The following RBM47 variants were observed in gnomAD, a reference collection of about 807,000 sequenced individuals.
The protein encoded by RBM47 is RNA-binding protein 47.
RBM47 carries 21 observed loss-of-function variants against 47.1 expected under a neutral mutation model. The ratio of observed to expected loss-of-function variants is 0.45; its 90% CI spans 0.32 to 0.64. The LOEUF (loss-of-function observed/expected upper bound fraction) is 0.64. RBM47 is among the 30% of genes least tolerant of loss of function. RBM47 has a pLI of 0.05. For missense variants in RBM47, 708 were observed against 870.9 expected (o/e 0.81, Z 2.35); for synonymous variants, 375 against 361.7 (o/e 1.04, Z -0.42).
At position 40,601,894 on chromosome 4, in the gene RBM47, C is replaced by T. The variant is rs147167585; in HGVS notation, c.-240+27502G>A. 5.2e-3 allele frequency among the ~76,000 whole-genome samples: 790 copies of T among 152,244 alleles called. 5 individuals carry two copies. The highest frequency in any genetic ancestry group is 0.018 in the African/African-American group (752 of 41,532). On this transcript the variant is annotated intron_variant, in intron 1 of 6. Coordinates refer to ENST00000295971, the MANE Select transcript of RBM47 (RefSeq NM_001098634.2). ...AATTAAGAAATCTCTCTGGGTCGGG[C>T]GTGGTGGCTCACGCCTGTAACCCCA... is the stretch of plus-strand genomic sequence containing the variant.
chr4:40,576,126 G>T (rs1732281303), intron 1 of RBM47, among the ~76,000 whole-genome samples: 1 of 152,170 alleles, frequency 6.6e-6, no homozygotes, highest in Non-Finnish European at 1.5e-5. Context: ...TCCTGGGGCA[G>T]TGCCCCAGGC....
intron 3 of RBM47, 75 bp from the exon 4 acceptor site, chr4:40,438,999 C>G: frequency 7.6e-6 from 10 of 1,318,604 alleles, no homozygotes; most frequent in Non-Finnish European, 9.1e-6. Flanking sequence ...CGCAGCCTTG[C>G]AAGTATGCAT....
intron 1 of RBM47, among the ~76,000 whole-genome samples, chr4:40,606,418 A>C (rs967694723): frequency 6.6e-6 from 1 of 152,150 alleles, no homozygotes; most frequent in Non-Finnish European, 1.5e-5. Flanking sequence ...AGTGAATGAC[A>C]TGGTCAGATC....
chr4:40,561,865 T>G (rs972070096), intron 1 of RBM47, among the ~76,000 whole-genome samples: 1 of 152,132 alleles, frequency 6.6e-6, no homozygotes, highest in Non-Finnish European at 1.5e-5. Context: ...TGTCTTAATG[T>G]AAGATATCCT....
At chr4:40,504,921 C>A (rs896317551) in intron 2 of RBM47, among the ~76,000 whole-genome samples, 1 of 152,222 alleles carries the variant, frequency 6.6e-6, no homozygotes, top group African/African-American at 2.4e-5. Flanking sequence ...GGACCAAGGA[C>A]TGCCAACCTC....
intron 1 of RBM47, among the ~76,000 whole-genome samples, chr4:40,618,160 T>C (rs1447707886): frequency 1.3e-5 from 2 of 151,996 alleles, no homozygotes; most frequent in Non-Finnish European, 2.9e-5. Flanking sequence ...GAGGATCACC[T>C]GAGCCCAGGG....
At chr4:40,606,994 G>A (rs1171990227) in intron 1 of RBM47, among the ~76,000 whole-genome samples, 8 of 151,966 alleles carry the variant, frequency 5.3e-5, no homozygotes, top group East Asian at 1.9e-4. Flanking sequence ...AAAAAAGCCC[G>A]CAAACATATG....
chr4:40,614,643 G>A (rs1736556170), intron 1 of RBM47, among the ~76,000 whole-genome samples: 1 of 151,526 alleles, frequency 6.6e-6, no homozygotes, highest in Admixed American at 6.6e-5. Context: ...AGACAAACCT[G>A]GGCAAAAGAA....
At chr4:40,500,599 A>AGT (rs1723228946) in intron 2 of RBM47, among the ~76,000 whole-genome samples, 1 of 150,940 alleles carries the variant, frequency 6.6e-6, no homozygotes, top group Non-Finnish European at 1.5e-5. Context: ...CCTATCTCCA[A>AGT]ATATATATAT....
intron 1 of RBM47, among the ~76,000 whole-genome samples, chr4:40,621,231 A>G (rs1043407873): frequency 6.6e-6 from 1 of 152,318 alleles, no homozygotes; most frequent in Admixed American, 6.5e-5. Flanking sequence ...GCAACTGAGG[A>G]AGCCTTTTTC....
chr4:40,488,672 G>C (rs771099027), intron 2 of RBM47, among the ~76,000 whole-genome samples: 1 of 152,166 alleles, frequency 6.6e-6, no homozygotes, highest in Non-Finnish European at 1.5e-5. Context: ...ATACAGGAGA[G>C]TTCATAGATG....
intron 2 of RBM47, among the ~76,000 whole-genome samples, chr4:40,535,414 C>T (rs1269912342): frequency 8.9e-5 from 9 of 100,676 alleles, no homozygotes. Context: ...GCTCTGTCAC[C>T]CAGGCTGGAG....
intron 3 of RBM47, among the ~76,000 whole-genome samples, chr4:40,464,013 A>G (rs1315866198): frequency 1.3e-5 from 2 of 152,160 alleles, no homozygotes; most frequent in African/African-American, 4.8e-5. Context: ...CAATGATTCC[A>G]TTTATAGACA....
chr4:40,512,946 T>A (rs979265663), intron 2 of RBM47, among the ~76,000 whole-genome samples: 2 of 152,140 alleles, frequency 1.3e-5, no homozygotes, highest in Non-Finnish European at 1.5e-5. Flanking sequence ...AAAACATTAA[T>A]CCACTTGTCA....
At position 40,624,860 on chromosome 4, in the gene RBM47, CTTTTT is replaced by C. The variant is rs1172791380; in HGVS notation, c.-240+4531_-240+4535del. ...TTAAGCCATCTTTTCTTTTCTTTTT[CTTTTT>C]TTTTTTTTTTTTTTTTGTTGTTGTT... On this transcript the variant is annotated intron_variant, in intron 1 of 6. Transcript: ENST00000295971. Among the ~76,000 whole-genome samples the C allele has an allele frequency of 2.3e-4, 27 of 119,602 alleles. 1 individual carries two copies. The highest frequency in any genetic ancestry group is 0.011 in the Middle Eastern group (2 of 182). 78.5% of individuals were successfully genotyped at this position (119,602 alleles called of 152,430 possible).
rs545869576 is a variant in RBM47, at chr4:40,480,115, T to C, written c.-154-13416A>G. 4.8e-4 allele frequency among the ~76,000 whole-genome samples: 73 copies of C among 151,672 alleles called. 1 individual carries two copies. The South Asian group carries it at 5.3e-3, about 11-fold the overall frequency. ...GCCTCAGCCTCCTGAGTAGCTGGGA[T>C]TACAGGTGTCCGCCACCATGCCTGA... On this transcript the variant is annotated intron_variant, in intron 2 of 6. Coordinates refer to ENST00000295971, the MANE Select transcript of RBM47 (RefSeq NM_001098634.2).
In RBM47 at chr4:40,618,795, C is replaced by G. The variant is rs886818703; in HGVS notation, c.-240+10601G>C. Among the ~76,000 whole-genome samples, 6 of 114,288 alleles carry G rather than the reference C, an allele frequency of 5.2e-5. No individual in the cohort carries two copies. The Admixed American group carries it at 7.9e-4, about 15-fold the overall frequency. The allele number at this position is 114,288 out of a possible 152,430, so 75.0% of individuals were successfully genotyped here. A position where few individuals can be genotyped will look rare whatever the true frequency, so the allele number is the denominator to read the frequency against. Reference sequence around the variant, plus strand: ...CTGCACTCCAGCCTAGGCAACAGAGCGAGACTCCATCTCAAAAAAAAAAAA... The same window carrying G: ...CTGCACTCCAGCCTAGGCAACAGAGGGAGACTCCATCTCAAAAAAAAAAAA... On this transcript the variant is annotated intron_variant, in intron 1 of 6. Transcript: ENST00000295971.
chr4:40,624,120 G>A (rs1737515639), intron 1 of RBM47, among the ~76,000 whole-genome samples: 1 of 152,186 alleles, frequency 6.6e-6, no homozygotes, highest in East Asian at 1.9e-4. Flanking sequence ...CAAAAGTGCT[G>A]GGATTACGGT....
Position 40,553,901 on chromosome 4 carries a change from A to G in RBM47, c.-239-9395T>C, listed in dbSNP as rs550639820. On this transcript the variant is annotated intron_variant, in intron 1 of 6. Transcript: ENST00000295971. Reference sequence around the variant, plus strand: ...CTCTACTAAGAAGTTCTTTGCGATCAGAGACATTTGAAGGTAAAATAGGGC... The same window carrying G: ...CTCTACTAAGAAGTTCTTTGCGATCGGAGACATTTGAAGGTAAAATAGGGC... Among the ~76,000 whole-genome samples the G allele has an allele frequency of 2.0e-5, 3 of 152,362 alleles. No homozygotes were observed. The South Asian group carries it at 6.2e-4, about 32-fold the overall frequency.
Sources: allele counts gnomAD v4.1 joint callset (sites outside exome capture counted in the v4.1 genomes callset), GRCh38; gene constraint gnomAD v4.1.1; transcripts MANE v1.5; gene names NCBI Gene and HGNC (gene_info 2026-07-23, HGNC 2026-07-21).